The following CAPN2 variants were observed in gnomAD, a reference collection of about 807,000 sequenced individuals.
The protein encoded by CAPN2 is calpain-2 catalytic subunit.
CAPN2 carries 92 observed loss-of-function variants against 102.3 expected under a neutral mutation model. The ratio of observed to expected loss-of-function variants is 0.90; its 90% confidence interval spans 0.76 to 1.07. The LOEUF (loss-of-function observed/expected upper bound fraction) is 1.07. Among genes scored for constraint, CAPN2 ranks in the 50% least tolerant of loss-of-function variants. CAPN2 has a pLI of 0.00. For missense variants in CAPN2, 800 were observed against 909.4 expected, an observed-to-expected ratio of 0.88 and a Z score of 1.55; for synonymous variants, 340 against 355.4, an observed-to-expected ratio of 0.96 and a Z score of 0.49.
At chr1:223,763,956 T>TCTAAA (rs916097384) in intron 14 of CAPN2, among the ~76,000 whole-genome samples, 194 bp from the exon 15 acceptor site, 3 of 152,036 alleles carry the variant, frequency 2.0e-5, no homozygotes, top group Admixed American at 6.6e-5. Flanking sequence ...AAACACTGTA[T>TCTAAA]CTAAAATCCA....
chr1:223,774,709 A>G, intron 20 of CAPN2, 125 bp from the exon 21 acceptor site: 4 of 781,424 alleles, frequency 5.1e-6, no homozygotes, highest in Non-Finnish European at 8.9e-6. Context: ...GAGTTAGTGC[A>G]CTGATATTGT....
intron 2 of CAPN2, among the ~76,000 whole-genome samples, chr1:223,730,010 C>CAAAAAAAAAAAAAA (rs57382658): frequency 6.3e-5 from 5 of 79,040 alleles, no homozygotes; most frequent in Non-Finnish European, 9.0e-5. Flanking sequence ...CCCAAAAAAC[C>CAAAAAAAAAAAAAA]AAAAAAAAAA....
chr1:223,724,473 G>T (rs1296957087), intron 2 of CAPN2, among the ~76,000 whole-genome samples: 1 of 152,236 alleles, frequency 6.6e-6, no homozygotes, highest in Non-Finnish European at 1.5e-5. Flanking sequence ...CTAGCCCTGT[G>T]TGGCTGTGGA....
intron 2 of CAPN2, among the ~76,000 whole-genome samples, chr1:223,739,144 G>A (rs999502797): frequency 6.6e-6 from 1 of 151,456 alleles, no homozygotes; most frequent in Non-Finnish European, 1.5e-5. Flanking sequence ...AATAATTAAG[G>A]ATCAAAAGGT....
intron 7 of CAPN2, among the ~76,000 whole-genome samples, chr1:223,751,713 C>A (rs1431637777): frequency 1.3e-5 from 2 of 152,258 alleles, no homozygotes; most frequent in East Asian, 3.8e-4. Context: ...CTCCATCTCC[C>A]TCTAATGAAC....
At chr1:223,717,600 G>A (rs1659911065) in intron 1 of CAPN2, among the ~76,000 whole-genome samples, 162 bp from the exon 2 acceptor site, 1 of 152,136 alleles carries the variant, frequency 6.6e-6, no homozygotes, top group South Asian at 2.1e-4. Flanking sequence ...GCAGGGGTCA[G>A]AAGGACCTCA....
chr1:223,751,012 G>T (rs751682479), intron 7 of CAPN2, 37 bp downstream of exon 7: 4 of 1,483,320 alleles, frequency 2.7e-6, no homozygotes, highest in South Asian at 1.2e-5. Context: ...CCAGGCGGGG[G>T]TGCATTGTGC....
intron 2 of CAPN2, among the ~76,000 whole-genome samples, chr1:223,730,915 T>C (rs985833710): frequency 6.6e-6 from 1 of 152,204 alleles, no homozygotes; most frequent in Non-Finnish European, 1.5e-5. Context: ...TGTAACCCCG[T>C]TGTAAGTTAA....
chr1:223,752,734 A>G, intron 8 of CAPN2, 62 bp from the exon 9 acceptor site: 1 of 1,556,200 alleles, frequency 6.4e-7, no homozygotes, highest in Non-Finnish European at 8.8e-7. Flanking sequence ...GTGTTGGTGG[A>G]AAGTCAAGGC....
rs199697766 is a variant in CAPN2, at chr1:223,742,518, A to ATTT, written c.308-1567_308-1565dup. On this transcript the variant is annotated intron_variant, in intron 2 of 20. Coordinates refer to ENST00000295006, the MANE Select transcript of CAPN2 (RefSeq NM_001748.5). ...TGTGTGTATATATATATATATATATATTTTTTTTTTTTTTTTTGAGACAGG... is the reference window on the plus strand; with the variant it reads ...TGTGTGTATATATATATATATATATATTTTTTTTTTTTTTTTTTTTGAGACAGG... Among the ~76,000 whole-genome samples, 295 of 114,412 alleles carry ATTT rather than the reference A, an allele frequency of 2.6e-3. 1 individual carries two copies. The highest frequency in any genetic ancestry group is 7.9e-3 in the African/African-American group (235 of 29,678). 75.1% of individuals were successfully genotyped at this position (114,412 alleles called of 152,430 possible).
intron 15 of CAPN2, 47 bp downstream of exon 15, chr1:223,764,254 G>T: frequency 6.7e-7 from 1 of 1,501,678 alleles, no homozygotes; most frequent in Non-Finnish European, 9.3e-7. Flanking sequence ...TTTCCCCTGT[G>T]GATGGGAGGG....
At chr1:223,712,958 CG>C (rs1446628954) in intron 1 of CAPN2, 81 bp downstream of exon 1, 4 of 1,047,828 alleles carry the variant, frequency 3.8e-6, no homozygotes, top group Admixed American at 4.5e-5. Context: ...CGCGCTGGGG[CG>C]GGGGGCAGCC....
intron 1 of CAPN2, among the ~76,000 whole-genome samples, chr1:223,716,109 C>T (rs1308203834): frequency 1.3e-5 from 2 of 151,346 alleles, no homozygotes; most frequent in Non-Finnish European, 3.0e-5. Flanking sequence ...AAACCCTCAG[C>T]CCCTTTTCAC....
intron 1 of CAPN2, among the ~76,000 whole-genome samples, chr1:223,716,596 T>C (rs1194123593): frequency 1.3e-5 from 2 of 151,962 alleles, no homozygotes; most frequent in African/African-American, 4.8e-5. Context: ...AAGTCTCATA[T>C]AGGCATACTT....
chr1:223,715,676 G>C (rs1222965011), intron 1 of CAPN2, among the ~76,000 whole-genome samples: 1 of 152,122 alleles, frequency 6.6e-6, no homozygotes, highest in African/African-American at 2.4e-5. Context: ...GATCCGGGTG[G>C]CACATCAGAT....
chr1:223,752,987 A>G, intron 9 of CAPN2, 31 bp downstream of exon 9: 1 of 1,608,940 alleles, frequency 6.2e-7, no homozygotes, highest in Non-Finnish European at 8.5e-7. Context: ...GGGCTGTTGC[A>G]ATGCGGGGCC....
chr1:223,744,346 G>A (rs1293849061), intron 3 of CAPN2, 128 bp downstream of exon 3: 1 of 672,094 alleles, frequency 1.5e-6, no homozygotes, highest in East Asian at 2.5e-5. Flanking sequence ...TTCTACAAAG[G>A]ACATTGGGCG....
chr1:223,749,357 TTTAC>T (rs1440252226), intron 6 of CAPN2: 14 of 591,136 alleles, frequency 2.4e-5, no homozygotes, highest in East Asian at 1.7e-4. Context: ...GGGCCCTGGT[TTTAC>T]TTGTTTTAGA....
intron 6 of CAPN2, among the ~76,000 whole-genome samples, chr1:223,750,076 T>A (rs979443578): frequency 6.6e-6 from 1 of 152,208 alleles, no homozygotes; most frequent in African/African-American, 2.4e-5. Flanking sequence ...ACCGCAGATC[T>A]TCTGCATGTC....
Sources: allele counts gnomAD v4.1 joint callset (sites outside exome capture counted in the v4.1 genomes callset), GRCh38; gene constraint gnomAD v4.1.1; transcripts MANE v1.5; gene names NCBI Gene and HGNC (gene_info 2026-07-23, HGNC 2026-07-21).